Variants in MROH1 observed in about 807,000 individuals in gnomAD.
The protein encoded by MROH1 is maestro heat like repeat family member 1.
In MROH1, 117 loss-of-function variants were observed where a neutral mutation model predicts 116.5. The observed-to-expected ratio is 1.00, with a 90% CI of 0.86 to 1.17. The LOEUF (loss-of-function observed/expected upper bound fraction) is 1.17, where lower values mean the gene tolerates loss of function less well. Ranked by LOEUF, MROH1 falls within the 50% of genes most tolerant of loss-of-function variation. MROH1 has a pLI of 0.00. For synonymous variants in MROH1, 921 were observed against 583.9 expected (o/e 1.58, Z -8.32); for missense variants, 1,873 against 1,338.5 (o/e 1.40, Z -6.23).
chr8:144,205,764 G>A (rs1020426810), intron 12 of MROH1, among the ~76,000 whole-genome samples: 17 of 152,080 alleles, frequency 1.1e-4, no homozygotes, highest in Admixed American at 3.3e-4. Flanking sequence ...CATGTGTGTT[G>A]TGTCATTGTT....
intron 33 of MROH1, among the ~76,000 whole-genome samples, chr8:144,253,153 C>CA (rs1209553585): frequency 0.037 from 5,398 of 146,844 alleles, 107 homozygotes; most frequent in Middle Eastern, 0.056. Context: ...GACTCTGTCT[C>CA]AAAAAAAAAA....
chr8:144,261,884 G>A lies in MROH1; in HGVS notation c.*144G>A, dbSNP rs909306358. Reference sequence around the variant, plus strand: ...AGGCACTGCTGGGGACCAAACCCAAGCCCTTCAGTGAGGGATGTGCCCAAT... The same window carrying A: ...AGGCACTGCTGGGGACCAAACCCAAACCCTTCAGTGAGGGATGTGCCCAAT... On this transcript the variant is annotated 3_prime_UTR_variant, in exon 44 of 44. Coordinates refer to ENST00000326134, the MANE Select transcript of MROH1 (RefSeq NM_032450.3). 5.9e-6 allele frequency: 4 copies of A among 673,414 alleles called. No homozygotes were observed. Among genetic ancestry groups the A allele is most frequent in the Admixed American group, 4.3e-5 (2 of 46,276 alleles). 41.7% of individuals were successfully genotyped at this position (673,414 alleles called of 1,614,324 possible). A position where few individuals can be genotyped will look rare whatever the true frequency, so the allele number is the denominator to read the frequency against.
intron 32 of MROH1, among the ~76,000 whole-genome samples, chr8:144,249,841 G>T (rs898459985): frequency 6.6e-6 from 1 of 152,190 alleles, no homozygotes; most frequent in Non-Finnish European, 1.5e-5. Flanking sequence ...TCCTGCCTCC[G>T]GTGGGCCTGC....
At chr8:144,255,074 C>T in intron 34 of MROH1, 96 bp downstream of exon 34, 1 of 645,768 alleles carries the variant, frequency 1.5e-6, no homozygotes, top group South Asian at 1.7e-5. Flanking sequence ...GCCCGGACGC[C>T]ACCCCACAGG....
At chr8:144,203,862 A>G (rs1456213701) in intron 12 of MROH1, among the ~76,000 whole-genome samples, 6 of 152,142 alleles carry the variant, frequency 3.9e-5, no homozygotes, top group African/African-American at 7.2e-5. Context: ...CAGAAGTTCA[A>G]CATTTCATGG....
chr8:144,250,885 C>T (rs1347515714), intron 33 of MROH1: 1 of 240,048 alleles, frequency 4.2e-6, no homozygotes, highest in Non-Finnish European at 8.3e-6. Context: ...CAGCTCCCAG[C>T]AAAGGGCAGG....
rs1010058340 is a variant in MROH1 at position 144,163,720 on chromosome 8, C to T, written c.-56-51C>T. 3 of 1,111,516 alleles carry T rather than the reference C, an allele frequency of 2.7e-6. No homozygotes were observed. Among genetic ancestry groups the T allele is most frequent in the South Asian group, 2.9e-5 (2 of 68,258 alleles). The allele number at this position is 1,111,516 out of a possible 1,614,324, so 68.9% of individuals were successfully genotyped here. A position where few individuals can be genotyped will look rare whatever the true frequency, so the allele number is the denominator to read the frequency against. On this transcript the variant is annotated intron_variant, in intron 2 of 43. Transcript: ENST00000326134. This position sits in a 1 kb window ranked among gnomAD's most constrained non-coding sequence, Gnocchi z 4.4. Reference sequence around the variant, plus strand: ...TGGAAATGGTAATTGCCTGTGAACTCAGATATCGTAGAGGCTTATGAATTA... The same window carrying T: ...TGGAAATGGTAATTGCCTGTGAACTTAGATATCGTAGAGGCTTATGAATTA...
rs531256021 is a variant in MROH1 at position 144,180,629 on chromosome 8, A to G, written c.562+106A>G. ...ACAGGTGGGCACTTTAGGCTGCAGGAAGGGGGGCTGTTGGAGGGAGGGGCC... is the reference window on the plus strand; with the variant it reads ...ACAGGTGGGCACTTTAGGCTGCAGGGAGGGGGGCTGTTGGAGGGAGGGGCC... On this transcript the variant is annotated intron_variant, in intron 7 of 43. Coordinates refer to ENST00000326134, the MANE Select transcript of MROH1 (RefSeq NM_032450.3). This position sits in a 1 kb window ranked among gnomAD's most constrained non-coding sequence, Gnocchi z 7.4. The G allele has an allele frequency of 1.9e-6, 2 of 1,070,316 alleles. No homozygotes were observed. Among genetic ancestry groups the G allele is most frequent in the Non-Finnish European group, 2.6e-6 (2 of 762,010 alleles). 66.3% of individuals were successfully genotyped at this position (1,070,316 alleles called of 1,614,324 possible).
intron 3 of MROH1, among the ~76,000 whole-genome samples, chr8:144,167,310 T>TG (rs1821108443): frequency 9.4e-6 from 1 of 106,434 alleles, no homozygotes; most frequent in Non-Finnish European, 1.9e-5. Context: ...GGCCGGTTGT[T>TG]GGGTAGAGTG....
intron 14 of MROH1, among the ~76,000 whole-genome samples, chr8:144,229,099 C>G (rs1298970898): frequency 6.6e-6 from 1 of 152,226 alleles, no homozygotes; most frequent in East Asian, 1.9e-4. Context: ...GTTCCATCTT[C>G]AGGCTCCATT....
chr8:144,215,870 C>T (rs528672429), intron 12 of MROH1, among the ~76,000 whole-genome samples: 4 of 98,474 alleles, frequency 4.1e-5, no homozygotes, highest in Admixed American at 2.4e-4. Flanking sequence ...GAGACTCTGT[C>T]GCAAAAAAAA....
intron 36 of MROH1, 75 bp from the exon 37 acceptor site, chr8:144,259,165 G>A: frequency 2.8e-6 from 2 of 703,384 alleles, no homozygotes; most frequent in African/African-American, 1.7e-5. Context: ...GACCAGGGCT[G>A]TGCAGGGTGG....
In MROH1 at chr8:144,243,565, G is replaced by A. The variant is rs1841380935; in HGVS notation, c.2424G>A (p.Gln808=). ...MVSRAICSST[Q]AGSFHFTRKA... ...GCCGCGCCATCTGCAGCAGCACCCA[G>A]GCTGGCTCCTTCCACTTCACCCGGA... The change falls in exon 25 of 44, where the codon CAG becomes CAA. Residue 808 remains glutamine (Q), a synonymous_variant. Coordinates refer to ENST00000326134, the MANE Select transcript of MROH1 (RefSeq NM_032450.3). The A allele has an allele frequency of 1.3e-6, 1 of 780,130 alleles. No individual in the cohort carries two copies. Among genetic ancestry groups the A allele is most frequent in the African/African-American group, 1.7e-5 (1 of 59,150 alleles). The allele number at this position is 780,130 out of a possible 1,614,324, so 48.3% of individuals were successfully genotyped here.
chr8:144,244,626 C>A, intron 28 of MROH1, 87 bp downstream of exon 28: 1 of 710,968 alleles, frequency 1.4e-6, no homozygotes, highest in South Asian at 1.5e-5. Context: ...CACATGTGGG[C>A]ACCACAGGGA....
chr8:144,176,536 GAAAAAA>G (rs113841473), intron 4 of MROH1, among the ~76,000 whole-genome samples: 3 of 129,630 alleles, frequency 2.3e-5, no homozygotes, highest in South Asian at 2.5e-4. Flanking sequence ...CCCTGACTCA[GAAAAAA>G]AAAAAAAAAA....
chr8:144,242,420 T>A lies in MROH1; in HGVS notation c.2230T>A (p.Tyr744Asn). 1 of 780,686 alleles carries A rather than the reference T, an allele frequency of 1.3e-6. No homozygotes were observed. Among genetic ancestry groups the A allele is most frequent in the Non-Finnish European group, 2.4e-6 (1 of 417,822 alleles). 48.4% of individuals were successfully genotyped at this position (780,686 alleles called of 1,614,324 possible). A position where few individuals can be genotyped will look rare whatever the true frequency, so the allele number is the denominator to read the frequency against. Residue 744 changes from tyrosine to asparagine, a missense_variant, in exon 23 of 44, where the codon TAT becomes AAT. Tyr to Asn is a moderately radical substitution (Grantham distance 143, BLOSUM62 -2). Coordinates refer to ENST00000326134, the MANE Select transcript of MROH1 (RefSeq NM_032450.3). ...GGTGAAGAGTGCTCTGATCCTGTGC[T>A]ATGGGCACGTGGCGGCCCGGGCCCC... is the stretch of plus-strand genomic sequence containing the variant. Reference protein sequence around the residue: ...EKVKSALILCYGHVAARAPRE... With the variant: ...EKVKSALILCNGHVAARAPRE...
intron 35 of MROH1, among the ~76,000 whole-genome samples, chr8:144,255,937 G>A (rs989785344): frequency 2.3e-4 from 35 of 152,342 alleles, no homozygotes; most frequent in Admixed American, 1.2e-3. Flanking sequence ...CTCTGCGGGC[G>A]GTCTGCACGG....
intron 3 of MROH1, among the ~76,000 whole-genome samples, chr8:144,167,039 C>G (rs919698186): frequency 5.9e-5 from 9 of 152,360 alleles, no homozygotes; most frequent in Admixed American, 4.6e-4. Context: ...GAGACTGAGT[C>G]ACGCACTGAT....
intron 3 of MROH1, among the ~76,000 whole-genome samples, chr8:144,166,388 G>A (rs1820834882): frequency 6.6e-6 from 1 of 152,218 alleles, no homozygotes; most frequent in South Asian, 2.1e-4. Flanking sequence ...GAGGCTCCCT[G>A]GGTGGCCGAG....
Sources: allele counts gnomAD v4.1 joint callset (sites outside exome capture counted in the v4.1 genomes callset), GRCh38; gene constraint gnomAD v4.1.1; non-coding constraint Gnocchi (gnomAD v3.1); transcripts MANE v1.5; gene names NCBI Gene and HGNC (gene_info 2026-07-23, HGNC 2026-07-21).